The following MYCBPAP variants were observed in gnomAD, a reference collection of about 807,000 sequenced individuals.
The protein encoded by MYCBPAP is MYCBP associated protein.
In MYCBPAP, 60 loss-of-function variants were observed where a neutral mutation model predicts 106.1. The ratio of observed to expected loss-of-function variants is 0.57; its 90% CI spans 0.46 to 0.70. The LOEUF (loss-of-function observed/expected upper bound fraction) is 0.70, where lower values mean the gene tolerates loss of function less well. MYCBPAP is among the 30% of genes least tolerant of loss of function. The pLI is 0.00. For synonymous variants in MYCBPAP, 407 were observed against 440.6 expected (o/e 0.92, Z 0.95); for missense variants, 1,064 against 1,169.3 (o/e 0.91, Z 1.31).
In MYCBPAP at chr17:50,521,176, G is replaced by A. The variant is rs754413703; in HGVS notation, c.983G>A (p.Arg328Gln). 7.4e-6 allele frequency: 12 copies of A among 1,613,614 alleles called. No homozygotes were observed. Among genetic ancestry groups the A allele is most frequent in the East Asian group, 2.2e-5 (1 of 44,878 alleles). ...GATCGGAGTCTGTTTCTGATCTACCGACGCAAGGAGCTGCAGAGAATCATG... is the reference window on the plus strand; with the variant it reads ...GATCGGAGTCTGTTTCTGATCTACCAACGCAAGGAGCTGCAGAGAATCATG... ...TWDRSLFLIY[R>Q]RKELQRIMEE... Residue 328 changes from arginine to glutamine, a missense_variant, in exon 8 of 19, where the codon CGA becomes CAA. Coordinates refer to ENST00000323776, the MANE Select transcript of MYCBPAP (RefSeq NM_032133.6).
intron 12 of MYCBPAP, 27 bp from the exon 13 acceptor site, chr17:50,524,850 C>T (rs1443850799): frequency 1.2e-6 from 2 of 1,608,192 alleles, no homozygotes; most frequent in Non-Finnish European, 8.5e-7. Flanking sequence ...CCTGGGCTGC[C>T]ATCCTCTGCC....
chr17:50,517,163 A>ATGG, intron 2 of MYCBPAP, 130 bp from the exon 3 acceptor site: 1 of 826,362 alleles, frequency 1.2e-6, no homozygotes, highest in Non-Finnish European at 2.0e-6. Context: ...GACAGAACAT[A>ATGG]TGGACAGAGC....
chr17:50,511,560 C>T (rs975682654), intron 1 of MYCBPAP, among the ~76,000 whole-genome samples: 3 of 152,338 alleles, frequency 2.0e-5, no homozygotes, highest in African/African-American at 7.2e-5. Flanking sequence ...CATAGTTTCC[C>T]CGCTCCGTAT....
chr17:50,515,301 G>C (rs2034008089), intron 1 of MYCBPAP, among the ~76,000 whole-genome samples: 1 of 151,740 alleles, frequency 6.6e-6, no homozygotes, highest in African/African-American at 2.4e-5. Context: ...TCACGGTCTT[G>C]TTTCCCATTG....
At chr17:50,521,257 C>T (rs1436039776) in intron 8 of MYCBPAP, 32 bp downstream of exon 8, 2 of 1,598,008 alleles carry the variant, frequency 1.3e-6, no homozygotes, top group African/African-American at 1.3e-5. Context: ...CAGTCAGAAG[C>T]CCCTTGGGGC....
intron 7 of MYCBPAP, 45 bp downstream of exon 7, chr17:50,519,832 C>G (rs377428471): frequency 6.3e-7 from 1 of 1,589,248 alleles, no homozygotes; most frequent in African/African-American, 1.3e-5. Context: ...GTGCCTGGCC[C>G]GGAGGCAGGG....
chr17:50,527,537 C>G, intron 15 of MYCBPAP, 129 bp downstream of exon 15: 1 of 1,223,046 alleles, frequency 8.2e-7, no homozygotes, highest in Middle Eastern at 2.9e-4. Context: ...GAGCATGCCG[C>G]AAACATTCCA....
At chr17:50,508,947 G>A in intron 1 of MYCBPAP, 197 bp downstream of exon 1, 1 of 709,260 alleles carries the variant, frequency 1.4e-6, no homozygotes, top group Non-Finnish European at 2.6e-6. Context: ...ACTGGGCCTT[G>A]GGGATGGGGA....
At position 50,519,031 on chromosome 17, in the gene MYCBPAP, G is replaced by A. The variant is rs761217163; in HGVS notation, c.710G>A (p.Arg237Gln). 28 of 1,613,884 alleles carry A rather than the reference G, an allele frequency of 1.7e-5. No individual in the cohort carries two copies. The highest frequency in any genetic ancestry group is 4.5e-5 in the East Asian group (2 of 44,878). Residue 237 changes from arginine to glutamine, a missense_variant, in exon 6 of 19, where the codon CGG becomes CAG. Coordinates refer to ENST00000323776, the MANE Select transcript of MYCBPAP (RefSeq NM_032133.6). ...ATGCACACCGGGGAGACCTACAGACGGATCCAGGAGGAGCGGGAGCTCATT... is the reference window on the plus strand; with the variant it reads ...ATGCACACCGGGGAGACCTACAGACAGATCCAGGAGGAGCGGGAGCTCATT... ...LLMHTGETYR[R>Q]IQEERELIDC...
intron 17 of MYCBPAP, 41 bp from the exon 18 acceptor site, chr17:50,528,977 T>G: frequency 1.2e-6 from 2 of 1,604,330 alleles, no homozygotes; most frequent in Non-Finnish European, 8.5e-7. Flanking sequence ...GGCCTACCTC[T>G]GGAGCTCCTG....
Position 50,519,761 on chromosome 17 carries a change from AG to A in MYCBPAP, c.891del (p.Lys297AsnfsTer29). ...GLMEPITHIRKPHSIRVETGL... is the reference protein window; with the variant it reads ...GLMEPITHIRXPHSIRVETGL... The stretch of plus-strand genomic sequence containing the variant: ...ATGGAGCCCATCACTCACATCAGGA[AG>A]CCCCACTCCATCCGGGTGGAGACAG... On this transcript the variant is annotated frameshift_variant, in exon 7 of 19. Coordinates refer to ENST00000323776, the MANE Select transcript of MYCBPAP (RefSeq NM_032133.6). LOFTEE classifies it high-confidence loss of function. 6.2e-7 allele frequency: 1 copy of A among 1,614,052 alleles called. No homozygotes were observed.
chr17:50,521,258 C>T (rs750854510), intron 8 of MYCBPAP, 33 bp downstream of exon 8: 11 of 1,598,184 alleles, frequency 6.9e-6, no homozygotes, highest in Non-Finnish European at 8.5e-6. Flanking sequence ...AGTCAGAAGC[C>T]CCTTGGGGCG....
At position 50,508,672 on chromosome 17, in the gene MYCBPAP, A is replaced by C; in HGVS notation, c.-3A>C. On this transcript the variant is annotated 5_prime_UTR_variant, in exon 1 of 19. Coordinates refer to ENST00000323776, the MANE Select transcript of MYCBPAP (RefSeq NM_032133.6). ...GCAACGTTTCATGGTGCCGGGCGGC[A>C]CCATGAAGTCTCTAAAGAAGGATTC... 6.2e-7 allele frequency: 1 copy of C among 1,603,686 alleles called. No homozygotes were observed. Among genetic ancestry groups the C allele is most frequent in the Non-Finnish European group, 8.5e-7 (1 of 1,173,646 alleles).
intron 4 of MYCBPAP, among the ~76,000 whole-genome samples, chr17:50,518,154 C>G (rs1003326425): frequency 1.3e-5 from 2 of 152,254 alleles, no homozygotes; most frequent in Non-Finnish European, 2.9e-5. Context: ...TCATGCAGTG[C>G]TTCACCTGTC....
At chr17:50,528,101 G>A (rs113971478) in intron 15 of MYCBPAP, 54 bp from the exon 16 acceptor site, 14 of 1,509,388 alleles carry the variant, frequency 9.3e-6, no homozygotes, top group African/African-American at 8.2e-5. Flanking sequence ...GCCTCTGCAG[G>A]TTCAAGGACA....
rs193042666 is a variant in MYCBPAP at position 50,515,326 on chromosome 17, A to T, written c.77-1244A>T. Among the ~76,000 whole-genome samples the T allele has an allele frequency of 3.2e-3, 480 of 151,976 alleles. 1 individual carries two copies. The highest frequency in any genetic ancestry group is 6.8e-3 in the Middle Eastern group (2 of 294). ...GTTTCCCATTGGGCATGTGCTCTTTAAAGACAAGCTCTGGCATGTATCCCT... is the reference window on the plus strand; with the variant it reads ...GTTTCCCATTGGGCATGTGCTCTTTTAAGACAAGCTCTGGCATGTATCCCT... On this transcript the variant is annotated intron_variant, in intron 1 of 18. Transcript: ENST00000323776.
chr17:50,515,832 A>G (rs1406476460), intron 1 of MYCBPAP: 2 of 152,234 alleles, frequency 1.3e-5, no homozygotes, highest in East Asian at 1.9e-4. Context: ...TCTTTTTTGT[A>G]TATTAAAAAT....
At chr17:50,531,145 C>T (rs2034628185) in intron 18 of MYCBPAP, among the ~76,000 whole-genome samples, 182 bp from the exon 19 acceptor site, 1 of 69,582 alleles carries the variant, frequency 1.4e-5, no homozygotes, top group South Asian at 4.7e-4. Context: ...GAGTGAGATC[C>T]TGTCAAAAAA....
intron 13 of MYCBPAP, 26 bp from the exon 14 acceptor site, chr17:50,525,855 A>C: frequency 6.4e-7 from 1 of 1,563,450 alleles, no homozygotes; most frequent in Admixed American, 1.9e-5. Context: ...CCTCCCCCTC[A>C]CATGCCTTCC....
Sources: gnomAD v4.1 joint callset for allele counts (sites outside exome capture counted in the v4.1 genomes callset) on GRCh38, gnomAD v4.1.1 for gene constraint, MANE v1.5 for transcripts, NCBI Gene and HGNC (gene_info 2026-07-23, HGNC 2026-07-21) for gene names.